Variants in CCND3 observed in about 807,000 individuals in gnomAD.
CCND3 encodes the protein G1/S-specific cyclin-D3.
Under a neutral mutation model 28.7 loss-of-function variants are expected in CCND3, and 9 were observed. The observed-to-expected ratio is 0.31, with a 90% confidence interval of 0.19 to 0.55. The LOEUF (loss-of-function observed/expected upper bound fraction) is 0.55. CCND3 is among the 20% of genes least tolerant of loss of function. The probability of loss-of-function intolerance (pLI) is 0.93; values close to 1 mark genes in which losing one functional copy is unlikely to be tolerated. For synonymous variants in CCND3, 164 were observed against 163.9 expected (o/e 1.00, Z 0.00); for missense variants, 315 against 385.8 (o/e 0.82, Z 1.54).
At chr6:41,967,251 C>T (rs372236230) in intron 1 of CCND3, among the ~76,000 whole-genome samples, 22 of 152,116 alleles carry the variant, frequency 1.4e-4, no homozygotes, top group African/African-American at 4.8e-4. Context: ...AGCAGAGTCA[C>T]CAAGGCTAGA....
At chr6:41,980,662 G>A (rs1015872529) in intron 1 of CCND3, among the ~76,000 whole-genome samples, 2 of 152,132 alleles carry the variant, frequency 1.3e-5, no homozygotes, top group Non-Finnish European at 2.9e-5. Context: ...ATCTTACTAT[G>A]TATAAAAAGA....
intron 1 of CCND3, among the ~76,000 whole-genome samples, chr6:42,028,856 C>G (rs780235344): frequency 6.6e-6 from 1 of 152,206 alleles, no homozygotes; most frequent in Non-Finnish European, 1.5e-5. Flanking sequence ...AATACACGTT[C>G]GTGTTCGCTA....
intron 1 of CCND3, among the ~76,000 whole-genome samples, chr6:41,987,496 T>C (rs1762513302): frequency 1.2e-5 from 1 of 81,902 alleles, no homozygotes; most frequent in Non-Finnish European, 2.4e-5. Context: ...TCTCTCTCTC[T>C]CTCTCTCTCT....
upstream of CCND3, among the ~76,000 whole-genome samples, chr6:41,946,348 G>T (rs1326723561): frequency 2.0e-5 from 3 of 151,890 alleles, no homozygotes; most frequent in Non-Finnish European, 4.4e-5. Context: ...TGTAATCCTA[G>T]CACGTTGGGA....
intron 1 of CCND3, among the ~76,000 whole-genome samples, chr6:41,992,103 A>G (rs1762664105): frequency 6.6e-6 from 1 of 152,126 alleles, no homozygotes; most frequent in Non-Finnish European, 1.5e-5. Flanking sequence ...CCTTTGGATA[A>G]ATGCCCAGTA....
rs3218092 is a variant in CCND3 at position 41,938,923 on chromosome 6, A to G, written c.414+1447T>C. On this transcript the variant is annotated intron_variant, in intron 2 of 4. Coordinates refer to ENST00000372991, the MANE Select transcript of CCND3 (RefSeq NM_001760.5). This position sits in a 1 kb window ranked among gnomAD's most constrained non-coding sequence, Gnocchi z 4.6. ...TGACCTTCTAGGAAGTCTTTTGGGC[A>G]CTCCACCCCCAGCTCAGGCAGAGGG... 0.18 allele frequency among the ~76,000 whole-genome samples: 27,976 copies of G among 151,522 alleles called. 3,040 individuals carry two copies. The highest frequency in any genetic ancestry group is 0.39 in the East Asian group (2,001 of 5,134).
chr6:42,026,276 C>T (rs1032686664), intron 1 of CCND3, among the ~76,000 whole-genome samples: 50 of 152,134 alleles, frequency 3.3e-4, no homozygotes, highest in African/African-American at 1.1e-3. Flanking sequence ...GACCCTCTCC[C>T]CCCGCCGCCC....
chr6:42,004,504 G>A (rs556980684), intron 1 of CCND3, among the ~76,000 whole-genome samples: 1 of 152,258 alleles, frequency 6.6e-6, no homozygotes, highest in South Asian at 2.1e-4. Context: ...AGGCCCAGGC[G>A]GGTGGATTAC....
intron 1 of CCND3, among the ~76,000 whole-genome samples, chr6:42,009,860 A>G (rs1763290198): frequency 6.6e-6 from 1 of 152,108 alleles, no homozygotes; most frequent in Admixed American, 6.6e-5. Context: ...AGTGATTCTC[A>G]AAGTGTGGTC....
Position 41,941,291 on chromosome 6 carries a change from G to A in CCND3, c.198+161C>T. 2 of 1,447,210 alleles carry A rather than the reference G, an allele frequency of 1.4e-6. No homozygotes were observed. The highest frequency in any genetic ancestry group is 2.5e-5 in the East Asian group (1 of 40,044). The allele number at this position is 1,447,210 out of a possible 1,614,324, so 89.6% of individuals were successfully genotyped here. A position where few individuals can be genotyped will look rare whatever the true frequency, so the allele number is the denominator to read the frequency against. On this transcript the variant is annotated intron_variant, in intron 1 of 4. Transcript: ENST00000372991. The surrounding 1 kb of genome is among the most constrained non-coding windows in gnomAD (Gnocchi z 6.1). The stretch of plus-strand genomic sequence containing the variant: ...CCGATTAGGGCTCGGGAAAGCAAGG[G>A]AGGCAGCTGGCGTGGGTGCCCTAGT...
chr6:42,032,090 C>A (rs373428236), intron 1 of CCND3, among the ~76,000 whole-genome samples: 1 of 151,942 alleles, frequency 6.6e-6, no homozygotes, highest in Admixed American at 6.6e-5. Flanking sequence ...TGCACCTGGC[C>A]GACTCTTTTT....
intron 1 of CCND3, among the ~76,000 whole-genome samples, chr6:42,019,686 C>T (rs2127432398): frequency 6.6e-6 from 1 of 151,972 alleles, no homozygotes; most frequent in East Asian, 1.9e-4. Flanking sequence ...CTGATTTTCC[C>T]TGAGGGATAG....
At chr6:41,950,011 G>A (rs1402140378) in intron 1 of CCND3, among the ~76,000 whole-genome samples, 1 of 151,150 alleles carries the variant, frequency 6.6e-6, no homozygotes, top group African/African-American at 2.4e-5. Context: ...GCTGAGGTAG[G>A]AGAATGGCGT....
chr6:42,003,175 A>G (rs72853880), intron 1 of CCND3, among the ~76,000 whole-genome samples: 18 of 146,034 alleles, frequency 1.2e-4, no homozygotes, highest in Non-Finnish European at 1.8e-4. Context: ...AAAAAAAAAA[A>G]AGAGAAATAT....
chr6:42,044,799 A>ATTT (rs1257557806), intron 1 of CCND3, among the ~76,000 whole-genome samples: 1 of 147,418 alleles, frequency 6.8e-6, no homozygotes, highest in Admixed American at 6.8e-5. Context: ...TTATTTATTT[A>ATTT]TTTATTTGAG....
chr6:42,037,441 T>G (rs1764253222), intron 1 of CCND3, among the ~76,000 whole-genome samples: 1 of 151,218 alleles, frequency 6.6e-6, no homozygotes, highest in South Asian at 2.1e-4. Flanking sequence ...TTCAACATAT[T>G]GGCCAGGATG....
rs570357558 is a variant in CCND3 at position 42,035,740 on chromosome 6, C to T, written c.-46+12761G>A. On this transcript the variant is annotated intron_variant, in intron 1 of 4. Transcript: ENST00000372988. Reference sequence around the variant, plus strand: ...TCTCCCAGGCCAGAGTACAGTAGCGCGATCTCGGCTCACTGCAACCTCCAC... The same window carrying T: ...TCTCCCAGGCCAGAGTACAGTAGCGTGATCTCGGCTCACTGCAACCTCCAC... 2.4e-3 allele frequency among the ~76,000 whole-genome samples: 354 copies of T among 149,750 alleles called. 4 individuals are homozygous for T. Among genetic ancestry groups the T allele is most frequent in the African/African-American group, 8.1e-3 (328 of 40,730 alleles).
chr6:42,004,771 C>A (rs772514852), intron 1 of CCND3, among the ~76,000 whole-genome samples: 3 of 152,068 alleles, frequency 2.0e-5, no homozygotes, highest in African/African-American at 7.2e-5. Context: ...TTATTATTAT[C>A]CAAACCAGTA....
intron 1 of CCND3, among the ~76,000 whole-genome samples, chr6:42,046,123 C>T (rs980045829): frequency 6.6e-6 from 1 of 152,212 alleles, no homozygotes; most frequent in African/African-American, 2.4e-5. Flanking sequence ...AAGACAGATG[C>T]ACGAAGTGCT....
Sources: gnomAD v4.1 joint callset for allele counts (sites outside exome capture counted in the v4.1 genomes callset) on GRCh38, gnomAD v4.1.1 for gene constraint, Gnocchi (gnomAD v3.1) non-coding constraint, MANE v1.5 for transcripts, NCBI Gene and HGNC (gene_info 2026-07-23, HGNC 2026-07-21) for gene names.